Variants in ROBO2 observed in about 807,000 individuals in gnomAD.
ROBO2 encodes the protein roundabout guidance receptor 2, also known as roundabout homolog 2.
Under a neutral mutation model 160.8 loss-of-function variants are expected in ROBO2, and 53 were observed. The ratio of observed to expected loss-of-function variants is 0.33; its 90% CI spans 0.26 to 0.41. The LOEUF is 0.41. ROBO2 is among the 10% of genes least tolerant of loss of function. The pLI is 1.00. For synonymous variants in ROBO2, 664 were observed against 611.7 expected, an observed-to-expected ratio of 1.09 and a Z score of -1.26; for missense variants, 1,577 against 1,722.4, an observed-to-expected ratio of 0.92 and a Z score of 1.49.
intron 2 of ROBO2, among the ~76,000 whole-genome samples, chr3:76,843,032 T>A (rs1031841998): frequency 3.9e-5 from 6 of 152,046 alleles, no homozygotes; most frequent in African/African-American, 1.4e-4. Flanking sequence ...AAAACAAATG[T>A]TGTTTGTTAA....
intron 1 of ROBO2, among the ~76,000 whole-genome samples, chr3:75,912,651 G>C (rs1005828580): frequency 6.6e-6 from 1 of 152,026 alleles, no homozygotes; most frequent in African/African-American, 2.4e-5. Flanking sequence ...TCAGATACAC[G>C]GTTGCTTACG....
At chr3:77,193,593 A>C (rs1433248653) in intron 2 of ROBO2, among the ~76,000 whole-genome samples, 1 of 152,156 alleles carries the variant, frequency 6.6e-6, no homozygotes, top group Non-Finnish European at 1.5e-5. Flanking sequence ...TAACCAAGTA[A>C]TTTCACAGAC....
chr3:77,320,117 C>T (rs1431512338), intron 2 of ROBO2, among the ~76,000 whole-genome samples: 1 of 152,136 alleles, frequency 6.6e-6, no homozygotes, highest in East Asian at 1.9e-4. Flanking sequence ...AAATAAACTT[C>T]AAGACATTCA....
chr3:75,962,543 T>C (rs911199421), intron 2 of ROBO2, among the ~76,000 whole-genome samples: 1 of 151,784 alleles, frequency 6.6e-6, no homozygotes, highest in African/African-American at 2.4e-5. Context: ...ACTCCAAATA[T>C]TGTGTATATC....
At chr3:76,844,768 C>T (rs1243523542) in intron 2 of ROBO2, among the ~76,000 whole-genome samples, 1 of 151,806 alleles carries the variant, frequency 6.6e-6, no homozygotes, top group Non-Finnish European at 1.5e-5. Flanking sequence ...TTTTCTGTTC[C>T]TCCTTGTACC....
Position 77,380,539 on chromosome 3 carries a change from A to AT in ROBO2, c.389-96867dup, listed in dbSNP as rs539208257. 2.0e-3 allele frequency among the ~76,000 whole-genome samples: 297 copies of AT among 151,096 alleles called. 2 individuals are homozygous for AT. The highest frequency in any genetic ancestry group is 0.011 in the South Asian group (53 of 4,822). ...CAATGAGTAACAATTAAAAGACGGG[A>AT]TTTTTTTTAGAATTCAAAAATTAAT... On this transcript the variant is annotated intron_variant, in intron 2 of 25. Coordinates refer to ENST00000461745, the Ensembl canonical transcript of ROBO2.
intron 2 of ROBO2, among the ~76,000 whole-genome samples, chr3:76,863,862 A>G (rs1447091838): frequency 6.6e-6 from 1 of 152,100 alleles, no homozygotes; most frequent in African/African-American, 2.4e-5. Context: ...AAAGCAGGTA[A>G]TTTAAATTTT....
chr3:77,634,992 C>A, exon 24 of ROBO2: 3 of 1,614,070 alleles, frequency 1.9e-6, no homozygotes, highest in Non-Finnish European at 2.5e-6. Flanking sequence ...CAAGGGAGGG[C>A]GGATGGACCA....
intron 2 of ROBO2, among the ~76,000 whole-genome samples, chr3:76,639,882 T>A (rs1292026389): frequency 2.6e-5 from 4 of 152,166 alleles, no homozygotes; most frequent in African/African-American, 9.7e-5. Context: ...CTAACACATA[T>A]ATAGTGAAGA....
At chr3:77,270,491 C>CA (rs1172878631) in intron 2 of ROBO2, among the ~76,000 whole-genome samples, 14 of 152,014 alleles carry the variant, frequency 9.2e-5, no homozygotes, top group Non-Finnish European at 1.6e-4. Context: ...TTGTGTAACC[C>CA]AAAAACCCTT....
At chr3:76,141,159 CTA>C (rs55778369) in intron 2 of ROBO2, among the ~76,000 whole-genome samples, 105 of 9,160 alleles carry the variant, frequency 0.011, no homozygotes, top group Admixed American at 0.022. Context: ...CTCTCTCTCT[CTA>C]TATATATATA....
At chr3:76,462,166 T>A (rs904594869) in intron 2 of ROBO2, among the ~76,000 whole-genome samples, 2 of 152,186 alleles carry the variant, frequency 1.3e-5, no homozygotes, top group African/African-American at 4.8e-5. Flanking sequence ...CAAAGACTAT[T>A]AGGAGAAATA....
chr3:77,410,723 CTCCTCCTCTTCCTCCTCCTTT>C (rs2076715542), intron 2 of ROBO2, among the ~76,000 whole-genome samples: 1 of 135,776 alleles, frequency 7.4e-6, no homozygotes, highest in Non-Finnish European at 1.7e-5. Context: ...CCTCTTCCTC[CTCCTCCTCTTCCTCCTCCTTT>C]TCCTCCTCCT....
At chr3:76,765,001 C>T (rs1385450593) in intron 2 of ROBO2, among the ~76,000 whole-genome samples, 1 of 151,600 alleles carries the variant, frequency 6.6e-6, no homozygotes, top group Non-Finnish European at 1.5e-5. Flanking sequence ...TTAGTGCACC[C>T]TTCACCCAAA....
chr3:76,262,363 G>T (rs937628546), intron 2 of ROBO2, among the ~76,000 whole-genome samples: 1 of 152,028 alleles, frequency 6.6e-6, no homozygotes, highest in Non-Finnish European at 1.5e-5. Context: ...AAAGGTAGAT[G>T]ACACATTACA....
At chr3:77,626,185 A>C (rs1454329799) in intron 23 of ROBO2, among the ~76,000 whole-genome samples, 2 of 152,196 alleles carry the variant, frequency 1.3e-5, no homozygotes, top group Non-Finnish European at 2.9e-5. Flanking sequence ...CACATGAATA[A>C]ATATGTATAC....
intron 2 of ROBO2, among the ~76,000 whole-genome samples, chr3:76,870,317 G>A (rs926258821): frequency 6.6e-6 from 1 of 151,956 alleles, no homozygotes; most frequent in African/African-American, 2.4e-5. Context: ...AATCACCTGG[G>A]GACATTATTT....
intron 2 of ROBO2, among the ~76,000 whole-genome samples, chr3:76,810,074 G>A (rs2065042073): frequency 1.3e-5 from 2 of 152,026 alleles, no homozygotes; most frequent in African/African-American, 2.4e-5. Context: ...AAATTAAAAT[G>A]AGTTATTGAG....
chr3:76,435,962 AAATTG>A (rs1209066367), intron 2 of ROBO2, among the ~76,000 whole-genome samples: 1 of 152,152 alleles, frequency 6.6e-6, no homozygotes. Flanking sequence ...ATTCCATGCA[AAATTG>A]TGTCCTATAA....
Sources: allele counts gnomAD v4.1 joint callset (sites outside exome capture counted in the v4.1 genomes callset), GRCh38; gene constraint gnomAD v4.1.1; transcripts MANE v1.5; gene names NCBI Gene and HGNC (gene_info 2026-07-23, HGNC 2026-07-21).